Variants in ATXN1 observed in about 807,000 individuals in gnomAD.
ATXN1 encodes ataxin-1.
In ATXN1, 8 loss-of-function variants were observed where a neutral mutation model predicts 56.4. The observed-to-expected ratio is 0.14, with a 90% CI of 0.08 to 0.26. The LOEUF is 0.26. ATXN1 is among the 10% of genes least tolerant of loss of function. The probability of loss-of-function intolerance (pLI) is 1.00; values close to 1 mark genes in which losing one functional copy is unlikely to be tolerated. For synonymous variants in ATXN1, 514 were observed against 494.6 expected, an observed-to-expected ratio of 1.04 and a Z score of -0.52; for missense variants, 987 against 1,106.5, an observed-to-expected ratio of 0.89 and a Z score of 1.53.
intron 5 of ATXN1, among the ~76,000 whole-genome samples, chr6:16,490,124 G>A (rs554179538): frequency 2.3e-4 from 25 of 109,994 alleles, no homozygotes; most frequent in South Asian, 1.0e-3. Context: ...TCAAAGAAGC[G>A]ACAAATGACC....
intron 5 of ATXN1, among the ~76,000 whole-genome samples, chr6:16,517,736 GCATA>G (rs1761212612): frequency 6.6e-6 from 1 of 152,160 alleles, no homozygotes; most frequent in Non-Finnish European, 1.5e-5. Flanking sequence ...GCACACACAT[GCATA>G]CAAAGATACA....
rs995547969 is a variant in ATXN1 at position 16,506,302 on chromosome 6, A to G, written c.-299+16325T>C. On this transcript the variant is annotated intron_variant, in intron 5 of 7. Coordinates refer to ENST00000436367, the MANE Select transcript of ATXN1 (RefSeq NM_001128164.2). This position sits in a 1 kb window ranked among gnomAD's most constrained non-coding sequence, Gnocchi z 4.1. ...ATCATTTTATTAAGCAATGAGTCAA[A>G]TGAAGAAAGTGGTTTAAGGGAAATG... is the stretch of plus-strand genomic sequence containing the variant. Among the ~76,000 whole-genome samples the G allele has an allele frequency of 1.3e-5, 2 of 152,188 alleles. No homozygotes were observed. The highest frequency in any genetic ancestry group is 4.1e-4 in the South Asian group (2 of 4,830).
At position 16,711,600 on chromosome 6, in the gene ATXN1, C is replaced by A. The variant is rs982898051; in HGVS notation, c.-615+41633G>T. The stretch of plus-strand genomic sequence containing the variant: ...TAAGTTCACAAAATAAAAAAAAAAA[C>A]CATCTATATCTATATAGATATAGAT... On this transcript the variant is annotated intron_variant, in intron 2 of 7. Transcript: ENST00000436367. 2.0e-3 allele frequency among the ~76,000 whole-genome samples: 247 copies of A among 125,426 alleles called. 2 individuals carry two copies. The highest frequency in any genetic ancestry group is 5.5e-3 in the African/African-American group (189 of 34,070). The allele number at this position is 125,426 out of a possible 152,430, so 82.3% of individuals were successfully genotyped here.
intron 5 of ATXN1, among the ~76,000 whole-genome samples, chr6:16,490,789 C>T (rs958949461): frequency 1.3e-5 from 2 of 152,154 alleles, no homozygotes; most frequent in African/African-American, 4.8e-5. Context: ...TCTGGGCAAT[C>T]GTAATACAAC....
intron 6 of ATXN1, among the ~76,000 whole-genome samples, chr6:16,402,510 C>T (rs1758598970): frequency 6.6e-6 from 1 of 151,996 alleles, no homozygotes; most frequent in Admixed American, 6.6e-5. Flanking sequence ...AACCCACAAG[C>T]CAAGAACAAC....
At chr6:16,626,660 T>A (rs1237059997) in intron 3 of ATXN1, among the ~76,000 whole-genome samples, 1 of 152,134 alleles carries the variant, frequency 6.6e-6, no homozygotes, top group Non-Finnish European at 1.5e-5. Flanking sequence ...CTGGCTGAAT[T>A]TTTTCCCCCC....
intron 2 of ATXN1, among the ~76,000 whole-genome samples, chr6:16,668,300 C>T (rs554303224): frequency 9.2e-4 from 140 of 151,618 alleles, no homozygotes; most frequent in Non-Finnish European, 1.8e-3. Flanking sequence ...ACCATTAACT[C>T]GTCATTTAGC....
chr6:16,643,592 G>C (rs546464823), intron 3 of ATXN1, among the ~76,000 whole-genome samples: 67 of 131,664 alleles, frequency 5.1e-4, no homozygotes, highest in Admixed American at 1.8e-3. Context: ...TTGCACCACT[G>C]CACTCCAGCC....
At chr6:16,547,425 TCAC>T (rs1440827851) in intron 4 of ATXN1, among the ~76,000 whole-genome samples, 2 of 152,162 alleles carry the variant, frequency 1.3e-5, no homozygotes, top group Non-Finnish European at 2.9e-5. Flanking sequence ...ATGTGGAGTC[TCAC>T]CACAAGACCC....
At chr6:16,640,763 A>G (rs1215923015) in intron 3 of ATXN1, among the ~76,000 whole-genome samples, 1 of 152,138 alleles carries the variant, frequency 6.6e-6, no homozygotes, top group Non-Finnish European at 1.5e-5. Context: ...AAGTGAAAGG[A>G]AGAGTGAGTC....
At chr6:16,729,232 A>G (rs2113481932) in intron 2 of ATXN1, among the ~76,000 whole-genome samples, 1 of 152,300 alleles carries the variant, frequency 6.6e-6, no homozygotes, top group South Asian at 2.1e-4. Context: ...TATTCTCCCA[A>G]GGTGTATATT....
intron 5 of ATXN1, among the ~76,000 whole-genome samples, chr6:16,521,391 T>A (rs1256519609): frequency 6.6e-6 from 1 of 152,190 alleles, no homozygotes; most frequent in African/African-American, 2.4e-5. Context: ...AACCCATCTC[T>A]ACTAAAAATA....
chr6:16,388,390 G>C (rs1210894613), intron 6 of ATXN1, among the ~76,000 whole-genome samples: 1 of 152,156 alleles, frequency 6.6e-6, no homozygotes, highest in Non-Finnish European at 1.5e-5. Flanking sequence ...AAAAAACTGA[G>C]GATCAAGTGG....
chr6:16,457,714 G>A (rs185705990), intron 6 of ATXN1, among the ~76,000 whole-genome samples: 28 of 152,192 alleles, frequency 1.8e-4, no homozygotes, highest in South Asian at 6.2e-4. Context: ...CAAAGCTGGC[G>A]ATTTACATTC....
chr6:16,610,301 A>G (rs1763081120), intron 3 of ATXN1, among the ~76,000 whole-genome samples: 1 of 151,856 alleles, frequency 6.6e-6, no homozygotes, highest in African/African-American at 2.4e-5. Flanking sequence ...ACTCTATACA[A>G]GAAGAAAAAA....
chr6:16,674,726 A>C (rs1194133434), intron 2 of ATXN1, among the ~76,000 whole-genome samples: 1 of 152,058 alleles, frequency 6.6e-6, no homozygotes, highest in Non-Finnish European at 1.5e-5. Context: ...CCTTTCAATC[A>C]GAAGGTTTAG....
intron 2 of ATXN1, among the ~76,000 whole-genome samples, chr6:16,679,458 G>C (rs1054416932): frequency 6.6e-6 from 1 of 152,194 alleles, no homozygotes; most frequent in African/African-American, 2.4e-5. Context: ...GGGGACAGAA[G>C]TAGGGAGGCA....
intron 2 of ATXN1, among the ~76,000 whole-genome samples, chr6:16,707,809 C>T (rs995005688): frequency 6.6e-6 from 1 of 151,770 alleles, no homozygotes; most frequent in African/African-American, 2.4e-5. Flanking sequence ...TATGTTTATA[C>T]CTAAGTTTAT....
intron 6 of ATXN1, among the ~76,000 whole-genome samples, chr6:16,457,389 A>AG (rs1455827343): frequency 3.3e-5 from 5 of 151,904 alleles, no homozygotes; most frequent in Admixed American, 3.3e-4. Context: ...GAGAAGAGAA[A>AG]AAAAAAAAAA....
Sources: allele counts gnomAD v4.1 joint callset (sites outside exome capture counted in the v4.1 genomes callset), GRCh38; gene constraint gnomAD v4.1.1; non-coding constraint Gnocchi (gnomAD v3.1); transcripts MANE v1.5; gene names NCBI Gene and HGNC (gene_info 2026-07-23, HGNC 2026-07-21).